Variants in NOX3 observed in about 807,000 individuals in gnomAD.
NOX3 encodes the protein NADPH oxidase 3.
NOX3 carries 74 observed loss-of-function variants against 76.7 expected under a neutral mutation model. The ratio of observed to expected loss-of-function variants is 0.96; its 90% CI spans 0.80 to 1.17. NOX3 has a LOEUF of 1.17. NOX3 is among the 50% of genes most tolerant of loss of function. The pLI is 0.00. For missense variants in NOX3, 695 were observed against 703.3 expected, an observed-to-expected ratio of 0.99 and a Z score of 0.13; for synonymous variants, 263 against 261.1, an observed-to-expected ratio of 1.01 and a Z score of -0.07.
chr6:155,431,809 G>C (rs867035475), intron 7 of NOX3, among the ~76,000 whole-genome samples: 8 of 152,194 alleles, frequency 5.3e-5, no homozygotes, highest in Middle Eastern at 3.2e-3. Context: ...CAACCAAATT[G>C]TCCAAGGTCA....
chr6:155,431,047 T>A, intron 7 of NOX3, 112 bp from the exon 8 acceptor site: 1 of 665,006 alleles, frequency 1.5e-6, no homozygotes, highest in Non-Finnish European at 2.6e-6. Flanking sequence ...ATTTTTCCTT[T>A]AACTTTGGGC....
chr6:155,432,524 G>C (rs1186108012), intron 7 of NOX3, among the ~76,000 whole-genome samples: 1 of 152,128 alleles, frequency 6.6e-6, no homozygotes, highest in African/African-American at 2.4e-5. Context: ...TGTCTCTTCT[G>C]TTGATGGGTC....
At chr6:155,431,117 T>G (rs1489502711) in intron 7 of NOX3, among the ~76,000 whole-genome samples, 182 bp from the exon 8 acceptor site, 1 of 152,256 alleles carries the variant, frequency 6.6e-6, no homozygotes, top group Non-Finnish European at 1.5e-5. Context: ...AATTATTTAT[T>G]GAAGTCTACA....
rs569660702 is a variant in NOX3 at position 155,453,112 on chromosome 6, T to C, written c.340+292A>G. Among the ~76,000 whole-genome samples the C allele has an allele frequency of 3.8e-3, 577 of 152,344 alleles. 1 individual carries two copies. Among genetic ancestry groups the C allele is most frequent in the Non-Finnish European group, 5.1e-3 (344 of 68,032 alleles). On this transcript the variant is annotated intron_variant, in intron 4 of 13. Coordinates refer to ENST00000159060, the MANE Select transcript of NOX3 (RefSeq NM_015718.3). ...AAGTGAATTATATTGAATAACAAAG[T>C]GTCCCTTTTTCAAGTAAGTATTTAT...
chr6:155,414,000 C>G (rs561577429), intron 10 of NOX3, among the ~76,000 whole-genome samples: 1 of 152,148 alleles, frequency 6.6e-6, no homozygotes, highest in Non-Finnish European at 1.5e-5. Flanking sequence ...CTTACTTTCT[C>G]GTGGCCTAGC....
intron 4 of NOX3, among the ~76,000 whole-genome samples, chr6:155,447,844 T>C (rs1777083554): frequency 6.6e-6 from 1 of 152,250 alleles, no homozygotes. Context: ...AACCGCTAAA[T>C]TCAGAATTGT....
At chr6:155,412,690 G>C (rs1263035827) in intron 10 of NOX3, among the ~76,000 whole-genome samples, 1 of 152,190 alleles carries the variant, frequency 6.6e-6, no homozygotes, top group Non-Finnish European at 1.5e-5. Flanking sequence ...TCTCCAGGCA[G>C]AGCTAAGCCG....
In NOX3 at chr6:155,416,744, C is replaced by CTTTTTTTTTTTTTTT. The variant is rs534711414; in HGVS notation, c.1309-5399_1309-5385dup. Among the ~76,000 whole-genome samples, 34 of 92,534 alleles carry CTTTTTTTTTTTTTTT rather than the reference C, an allele frequency of 3.7e-4. 2 individuals are homozygous for CTTTTTTTTTTTTTTT. Among genetic ancestry groups the CTTTTTTTTTTTTTTT allele is most frequent in the African/African-American group, 9.5e-4 (23 of 24,098 alleles). The allele number at this position is 92,534 out of a possible 152,430, so 60.7% of individuals were successfully genotyped here. On this transcript the variant is annotated intron_variant, in intron 10 of 13. Transcript: ENST00000159060. ...GGACAACTGAAACATCTGAAACATT[C>CTTTTTTTTTTTTTTT]TTTTTTTTTTTTTTTTTTTTTTTTG...
intron 5 of NOX3, among the ~76,000 whole-genome samples, chr6:155,442,000 C>T (rs1364994133): frequency 1.3e-5 from 2 of 152,204 alleles, no homozygotes; most frequent in Admixed American, 6.5e-5. Flanking sequence ...CGCGGTGGCT[C>T]ACGCCTGTAA....
At chr6:155,440,956 T>C (rs1226196873) in intron 5 of NOX3, among the ~76,000 whole-genome samples, 1 of 152,182 alleles carries the variant, frequency 6.6e-6, no homozygotes, top group Non-Finnish European at 1.5e-5. Context: ...GACCATGACT[T>C]GCATTTCTTT....
chr6:155,428,787 C>T lies in NOX3; in HGVS notation c.1145+7G>A, dbSNP rs369038645. 1.5e-5 allele frequency: 22 copies of T among 1,478,518 alleles called. No homozygotes were observed. In the African/African-American group the frequency reaches 2.7e-4, roughly 18 times the overall value. The allele number at this position is 1,478,518 out of a possible 1,614,324, so 91.6% of individuals were successfully genotyped here. On this transcript the variant is annotated splice_region_variant and intron_variant, in intron 9 of 13. Transcript: ENST00000159060. ...GCAATTTATACATGAGAGAAATGGG[C>T]ACGAACCTTGGCAGGCTCCAGGGCT...
At chr6:155,431,625 T>C (rs1249915992) in intron 7 of NOX3, among the ~76,000 whole-genome samples, 1 of 152,200 alleles carries the variant, frequency 6.6e-6, no homozygotes, top group Non-Finnish European at 1.5e-5. Context: ...TGATGATCAA[T>C]TTACCAGCAG....
chr6:155,453,752 C>T (rs945453018), intron 3 of NOX3, among the ~76,000 whole-genome samples: 5 of 152,164 alleles, frequency 3.3e-5, no homozygotes, highest in African/African-American at 1.2e-4. Flanking sequence ...AAATACATGC[C>T]TCACTCAGCT....
chr6:155,405,174 T>C (rs1437068172), intron 12 of NOX3, among the ~76,000 whole-genome samples: 6 of 152,132 alleles, frequency 3.9e-5, no homozygotes, highest in African/African-American at 1.4e-4. Flanking sequence ...ACTGAGGCTT[T>C]GAAGGATGCA....
chr6:155,411,316 C>A lies in NOX3; in HGVS notation c.1353G>T (p.Trp451Cys). 1.2e-6 allele frequency: 2 copies of A among 1,614,018 alleles called. No individual in the cohort carries two copies. Among genetic ancestry groups the A allele is most frequent in the Non-Finnish European group, 1.7e-6 (2 of 1,179,936 alleles). ...CCAGGGAGAGTAAGAGATCAGCAAA[C>A]CACTCAAAAGCTCTTGCATCCCGGC... ...WICRDARAFE[W>C]FADLLLSLET... The change falls in exon 11 of 14, where the codon TGG becomes TGT. Residue 451 changes from tryptophan (W) to cysteine (C), a missense_variant. Physicochemically the swap from Trp to Cys is radical, Grantham distance 215. Transcript: ENST00000159060.
In NOX3 at chr6:155,430,888, T is replaced by A. The variant is rs749895600; in HGVS notation, c.846A>T (p.Arg282Ser). ...LGPVVLYACERIIRFWRFQQE... is the reference protein window; with the variant it reads ...LGPVVLYACESIIRFWRFQQE... ...GTTGAAATCGCCAGAACCTAATTAT[T>A]CTTTCACATGCATACAAGACCACAG... The change falls in exon 8 of 14, where the codon AGA becomes AGT. Residue 282 changes from arginine to serine, a missense_variant. Physicochemically the swap from Arg to Ser is moderately radical, Grantham distance 110. Transcript: ENST00000159060. 1.2e-6 allele frequency: 2 copies of A among 1,613,562 alleles called. No individual in the cohort carries two copies. Among genetic ancestry groups the A allele is most frequent in the Admixed American group, 3.3e-5 (2 of 60,012 alleles).
rs146682961 is a variant in NOX3, at chr6:155,406,198, T to G, written c.1580+932A>C. 9.8e-3 allele frequency among the ~76,000 whole-genome samples: 1,489 copies of G among 152,228 alleles called. 26 individuals are homozygous for G. Among genetic ancestry groups the G allele is most frequent in the African/African-American group, 0.035 (1,438 of 41,546 alleles). Reference sequence around the variant, plus strand: ...TGAAGGTTCAAAGCAAAGACTGACTTAGGAGACATCATAACAATGATAACT... The same window carrying G: ...TGAAGGTTCAAAGCAAAGACTGACTGAGGAGACATCATAACAATGATAACT... On this transcript the variant is annotated intron_variant, in intron 12 of 13. Coordinates refer to ENST00000159060, the MANE Select transcript of NOX3 (RefSeq NM_015718.3).
intron 11 of NOX3, among the ~76,000 whole-genome samples, chr6:155,410,811 A>G (rs1195496968): frequency 2.0e-5 from 3 of 152,218 alleles, no homozygotes; most frequent in African/African-American, 7.2e-5. Context: ...GTAAACACCT[A>G]GGAATCTTTT....
chr6:155,431,859 T>C (rs1377969790), intron 7 of NOX3, among the ~76,000 whole-genome samples: 1 of 152,172 alleles, frequency 6.6e-6, no homozygotes, highest in Non-Finnish European at 1.5e-5. Flanking sequence ...TGAACTCAGG[T>C]ATGCCTGACT....
Sources: gnomAD v4.1 joint callset for allele counts (sites outside exome capture counted in the v4.1 genomes callset) on GRCh38, gnomAD v4.1.1 for gene constraint, MANE v1.5 for transcripts, NCBI Gene and HGNC (gene_info 2026-07-23, HGNC 2026-07-21) for gene names.